SHISA6: variants seen among roughly 807,000 people sequenced by gnomAD.
SHISA6 encodes the protein protein shisa-6.
In SHISA6, 22 loss-of-function variants were observed where a neutral mutation model predicts 47.9. The ratio of observed to expected loss-of-function variants is 0.46; its 90% CI spans 0.33 to 0.66. The LOEUF is 0.66. Among genes scored for constraint, SHISA6 ranks in the 30% least tolerant of loss-of-function variants. The pLI is 0.02. For synonymous variants in SHISA6, 388 were observed against 337.8 expected (o/e 1.15, Z -1.63); for missense variants, 680 against 764.6 (o/e 0.89, Z 1.30).
At chr17:11,359,786 CAT>C (rs1478347318) in intron 2 of SHISA6, among the ~76,000 whole-genome samples, 2 of 152,146 alleles carry the variant, frequency 1.3e-5, no homozygotes, top group Non-Finnish European at 2.9e-5. Flanking sequence ...GGGAGAGGGT[CAT>C]GTGATACAAG....
chr17:11,549,832 A>G (rs2071914913), intron 3 of SHISA6, among the ~76,000 whole-genome samples: 2 of 152,192 alleles, frequency 1.3e-5, no homozygotes, highest in Non-Finnish European at 1.5e-5. Context: ...CATTGGAACT[A>G]GTTTTCTTCT....
chr17:11,410,940 C>T (rs541632517), intron 3 of SHISA6, among the ~76,000 whole-genome samples: 1 of 152,222 alleles, frequency 6.6e-6, no homozygotes, highest in Admixed American at 6.5e-5. Context: ...GAAACAGAAA[C>T]TCAATTCTGT....
intron 5 of SHISA6, among the ~76,000 whole-genome samples, chr17:11,556,452 G>A (rs931048149): frequency 1.3e-5 from 2 of 152,120 alleles, no homozygotes; most frequent in African/African-American, 4.8e-5. Flanking sequence ...GGCATCAATG[G>A]GTTAAAGATA....
intron 2 of SHISA6, among the ~76,000 whole-genome samples, chr17:11,299,677 G>A (rs1187821340): frequency 6.6e-6 from 1 of 152,040 alleles, no homozygotes; most frequent in African/African-American, 2.4e-5. Flanking sequence ...CATCTTCAAA[G>A]TGCATCACTC....
At chr17:11,400,180 T>C (rs1168790123) in intron 3 of SHISA6, among the ~76,000 whole-genome samples, 1 of 152,186 alleles carries the variant, frequency 6.6e-6, no homozygotes, top group African/African-American at 2.4e-5. Context: ...GGCATCTCTC[T>C]CAGCCCTGAC....
chr17:11,419,133 G>T (rs1914376399), intron 3 of SHISA6, among the ~76,000 whole-genome samples: 1 of 151,910 alleles, frequency 6.6e-6, no homozygotes, highest in South Asian at 2.1e-4. Context: ...GAGTTAATGG[G>T]TGCAGCACAC....
At chr17:11,274,303 G>A (rs1328403134) in intron 2 of SHISA6, among the ~76,000 whole-genome samples, 3 of 152,186 alleles carry the variant, frequency 2.0e-5, no homozygotes, top group African/African-American at 7.2e-5. Context: ...GAATATGGCC[G>A]GGCTGTTCCC....
At chr17:11,518,351 A>G (rs1039801667) in intron 3 of SHISA6, among the ~76,000 whole-genome samples, 1 of 152,198 alleles carries the variant, frequency 6.6e-6, no homozygotes, top group Non-Finnish European at 1.5e-5. Context: ...GTGATAAGAA[A>G]CAGATGGGCT....
intron 3 of SHISA6, among the ~76,000 whole-genome samples, chr17:11,421,543 T>C (rs536132193): frequency 1.3e-4 from 20 of 152,358 alleles, no homozygotes; most frequent in African/African-American, 4.3e-4. Context: ...GTCTCCATTT[T>C]ACCCATATCC....
chr17:11,287,089 A>ACCC (rs1909327970), intron 2 of SHISA6, among the ~76,000 whole-genome samples: 1 of 152,166 alleles, frequency 6.6e-6, no homozygotes, highest in East Asian at 1.9e-4. Context: ...AACATGTGAA[A>ACCC]ATGCAGTGAG....
chr17:11,431,830 T>A (rs1431957808), intron 3 of SHISA6, among the ~76,000 whole-genome samples: 1 of 152,176 alleles, frequency 6.6e-6, no homozygotes, highest in Non-Finnish European at 1.5e-5. Context: ...ACAGAGTAGC[T>A]CTTCCTTGGG....
At chr17:11,254,579 A>C (rs1350092734) in intron 1 of SHISA6, among the ~76,000 whole-genome samples, 4 of 152,158 alleles carry the variant, frequency 2.6e-5, no homozygotes, top group Non-Finnish European at 5.9e-5. Context: ...CCCTCCTCTC[A>C]TGCACAGCAA....
chr17:11,534,167 T>C (rs1193737277), intron 3 of SHISA6, among the ~76,000 whole-genome samples: 3 of 148,572 alleles, frequency 2.0e-5, no homozygotes, highest in Admixed American at 6.7e-5. Context: ...CTTTTTTTTT[T>C]TTTTTTTTTT....
chr17:11,501,717 G>A (rs553002125), intron 3 of SHISA6, among the ~76,000 whole-genome samples: 1 of 152,194 alleles, frequency 6.6e-6, no homozygotes, highest in East Asian at 1.9e-4. Flanking sequence ...GAGAGACAGA[G>A]AGAGAAAGAG....
chr17:11,352,960 G>A (rs553476795), intron 2 of SHISA6, among the ~76,000 whole-genome samples: 1 of 152,290 alleles, frequency 6.6e-6, no homozygotes, highest in East Asian at 1.9e-4. Context: ...TGCTCATGAT[G>A]TTCAAATTAT....
intron 3 of SHISA6, among the ~76,000 whole-genome samples, chr17:11,515,613 G>C (rs1268299801): frequency 6.6e-6 from 1 of 152,060 alleles, no homozygotes. Flanking sequence ...AAGAGCTCTG[G>C]GGCACAGAGT....
In SHISA6 at chr17:11,254,046, G is replaced by A. The variant is rs141496388; in HGVS notation, c.639-9320G>A. Among the ~76,000 whole-genome samples the A allele has an allele frequency of 4.6e-5, 7 of 152,286 alleles. No homozygotes were observed. The East Asian group carries it at 1.2e-3, about 25-fold the overall frequency. On this transcript the variant is annotated intron_variant, in intron 1 of 5. Transcript: ENST00000441885. ...ACACCTACTGTAGGAAGTGGTAGGA[G>A]GCCCTTAGCCAGCAGCCCTGCTCCT...
intron 2 of SHISA6, among the ~76,000 whole-genome samples, chr17:11,373,635 C>G (rs1348477436): frequency 1.3e-5 from 2 of 152,134 alleles, no homozygotes; most frequent in Non-Finnish European, 2.9e-5. Context: ...TTAAAACTCT[C>G]TCTGTGTCAT....
At chr17:11,378,345 G>T (rs951658058) in intron 2 of SHISA6, among the ~76,000 whole-genome samples, 1 of 151,552 alleles carries the variant, frequency 6.6e-6, no homozygotes, top group East Asian at 1.9e-4. Context: ...GTGTGTGTGT[G>T]TGCGCGCACA....
Sources: gnomAD v4.1 joint callset for allele counts (sites outside exome capture counted in the v4.1 genomes callset) on GRCh38, gnomAD v4.1.1 for gene constraint, MANE v1.5 for transcripts, NCBI Gene and HGNC (gene_info 2026-07-23, HGNC 2026-07-21) for gene names.